Variants in MIPOL1 observed in about 807,000 individuals in gnomAD.
MIPOL1 encodes mirror-image polydactyly 1.
In MIPOL1, 57 loss-of-function variants were observed where a neutral mutation model predicts 60.9. The observed-to-expected ratio is 0.94, with a 90% CI of 0.76 to 1.17. The LOEUF is 1.17. MIPOL1 is among the 50% of genes most tolerant of loss of function. The pLI is 0.00. For missense variants in MIPOL1, 551 were observed against 511.6 expected, an observed-to-expected ratio of 1.08 and a Z score of -0.74; for synonymous variants, 179 against 168.8, an observed-to-expected ratio of 1.06 and a Z score of -0.47.
chr14:37,544,582 G>A (rs4898641), intron 12 of MIPOL1, among the ~76,000 whole-genome samples: 9,248 of 152,214 alleles, frequency 0.061, 403 homozygotes, highest in East Asian at 0.15. Flanking sequence ...CCTGCAAGGT[G>A]CTTCAACAGA....
intron 9 of MIPOL1, among the ~76,000 whole-genome samples, 156 bp downstream of exon 9, chr14:37,308,675 GTATTT>G (rs1199852214): frequency 4.0e-5 from 6 of 151,826 alleles, no homozygotes; most frequent in Non-Finnish European, 5.9e-5. Flanking sequence ...AAATAATTAT[GTATTT>G]TATTATACTA....
At chr14:37,261,764 T>G (rs1446127670) in intron 3 of MIPOL1, among the ~76,000 whole-genome samples, 1 of 152,132 alleles carries the variant, frequency 6.6e-6, no homozygotes, top group Non-Finnish European at 1.5e-5. Context: ...TCAACATTTT[T>G]TTGAGGTAGA....
chr14:37,422,632 T>C (rs1204728900), intron 10 of MIPOL1, among the ~76,000 whole-genome samples: 1 of 151,970 alleles, frequency 6.6e-6, no homozygotes, highest in African/African-American at 2.4e-5. Context: ...GGTTGAAGTT[T>C]AGTAATGAGC....
chr14:37,436,732 G>A (rs1040658646), intron 11 of MIPOL1, among the ~76,000 whole-genome samples: 12 of 152,134 alleles, frequency 7.9e-5, no homozygotes, highest in Non-Finnish European at 1.6e-4. Flanking sequence ...CAGATATCCG[G>A]GACTTAACAT....
intron 12 of MIPOL1, among the ~76,000 whole-genome samples, chr14:37,509,706 T>TATC (rs35659280): frequency 0.77 from 116,100 of 150,724 alleles, 45,234 homozygotes; most frequent in African/African-American, 0.89. Context: ...GATATATATG[T>TATC]ATGTTTATGT....
intron 10 of MIPOL1, among the ~76,000 whole-genome samples, chr14:37,406,745 T>G (rs1000436619): frequency 1.3e-5 from 2 of 152,104 alleles, no homozygotes; most frequent in Non-Finnish European, 2.9e-5. Context: ...ATTCAATAAT[T>G]TAATAGATAT....
intron 1 of MIPOL1, among the ~76,000 whole-genome samples, chr14:37,207,664 GCCT>G (rs1966306429): frequency 3.9e-5 from 6 of 151,966 alleles, no homozygotes; most frequent in Admixed American, 3.9e-4. Flanking sequence ...TTGTGCTTCA[GCCT>G]CCCGAGTAGC....
chr14:37,478,931 A>G (rs1490402728), intron 11 of MIPOL1, among the ~76,000 whole-genome samples: 1 of 152,192 alleles, frequency 6.6e-6, no homozygotes, highest in Non-Finnish European at 1.5e-5. Flanking sequence ...ATATAATGGT[A>G]AAGAGATCCA....
At chr14:37,539,364 G>A (rs1257935332) in intron 12 of MIPOL1, among the ~76,000 whole-genome samples, 1 of 152,108 alleles carries the variant, frequency 6.6e-6, no homozygotes, top group East Asian at 1.9e-4. Context: ...CCTTGGTTTT[G>A]CTGGCAAAGC....
intron 9 of MIPOL1, among the ~76,000 whole-genome samples, chr14:37,325,079 G>A (rs533208262): frequency 6.6e-6 from 1 of 152,044 alleles, no homozygotes. Context: ...CACCTGATAG[G>A]CTTATGATTG....
intron 10 of MIPOL1, among the ~76,000 whole-genome samples, chr14:37,420,157 CAG>C (rs999656485): frequency 2.7e-5 from 4 of 149,682 alleles, no homozygotes; most frequent in Admixed American, 6.7e-5. Context: ...TTTTGTAAAT[CAG>C]GGTAATTTAT....
chr14:37,468,677 A>G (rs1182818091), intron 11 of MIPOL1, among the ~76,000 whole-genome samples: 4 of 152,192 alleles, frequency 2.6e-5, no homozygotes, highest in Non-Finnish European at 4.4e-5. Context: ...TAGGTAGTAG[A>G]CAGAAATTAA....
At chr14:37,284,541 C>T (rs1302613084) in intron 6 of MIPOL1, among the ~76,000 whole-genome samples, 4 of 151,962 alleles carry the variant, frequency 2.6e-5, no homozygotes, top group Non-Finnish European at 4.4e-5. Context: ...GACGGGGTTT[C>T]ACCATGTTAG....
intron 11 of MIPOL1, among the ~76,000 whole-genome samples, chr14:37,489,406 G>C (rs144511967): frequency 0.051 from 7,802 of 152,082 alleles, 722 homozygotes; most frequent in African/African-American, 0.18. Flanking sequence ...TGCTCCTTTA[G>C]CTCAGAGGAG....
At chr14:37,531,577 T>G (rs1230610027) in intron 12 of MIPOL1, among the ~76,000 whole-genome samples, 1 of 152,214 alleles carries the variant, frequency 6.6e-6, no homozygotes, top group South Asian at 2.1e-4. Flanking sequence ...TAGGTATTTC[T>G]ACCAAAGTTG....
At chr14:37,332,684 A>C (rs2089806478) in intron 9 of MIPOL1, among the ~76,000 whole-genome samples, 1 of 72,214 alleles carries the variant, frequency 1.4e-5, no homozygotes, top group Non-Finnish European at 2.7e-5. Context: ...AGGATGAATT[A>C]TCCGAAATGG....
At chr14:37,451,058 T>TA (rs1432062767) in intron 11 of MIPOL1, among the ~76,000 whole-genome samples, 1 of 152,210 alleles carries the variant, frequency 6.6e-6, no homozygotes, top group Non-Finnish European at 1.5e-5. Flanking sequence ...TTATAGTTTT[T>TA]AATAGGAATA....
intron 10 of MIPOL1, among the ~76,000 whole-genome samples, chr14:37,394,757 T>A (rs2093338688): frequency 6.6e-6 from 1 of 152,182 alleles, no homozygotes; most frequent in Non-Finnish European, 1.5e-5. Context: ...ATACAAAACC[T>A]CTTTAGTTTA....
chr14:37,213,257 T>C (rs905994836), intron 1 of MIPOL1, among the ~76,000 whole-genome samples: 2 of 152,202 alleles, frequency 1.3e-5, no homozygotes, highest in African/African-American at 4.8e-5. Context: ...AACAGAGATA[T>C]GAGACCTTTC....
Sources: gnomAD v4.1 joint callset for allele counts (sites outside exome capture counted in the v4.1 genomes callset) on GRCh38, gnomAD v4.1.1 for gene constraint, MANE v1.5 for transcripts, NCBI Gene and HGNC (gene_info 2026-07-23, HGNC 2026-07-21) for gene names.